NCALD: variants seen among roughly 807,000 people sequenced by gnomAD.
NCALD encodes the protein neurocalcin-delta.
NCALD carries 10 observed loss-of-function variants against 18.6 expected under a neutral mutation model. The ratio of observed to expected loss-of-function variants is 0.54; its 90% CI spans 0.33 to 0.91. NCALD has a LOEUF of 0.91. NCALD is among the 40% of genes least tolerant of loss of function. The pLI is 0.03. For synonymous variants in NCALD, 88 were observed against 87.4 expected, an observed-to-expected ratio of 1.01 and a Z score of -0.04; for missense variants, 184 against 247.6, an observed-to-expected ratio of 0.74 and a Z score of 1.72.
chr8:101,803,540 G>C (rs1812946543), intron 4 of NCALD, among the ~76,000 whole-genome samples: 1 of 152,154 alleles, frequency 6.6e-6, no homozygotes, highest in Non-Finnish European at 1.5e-5. Flanking sequence ...AGCTCTTAAA[G>C]TATATAAATA....
intron 1 of NCALD, among the ~76,000 whole-genome samples, chr8:102,043,415 C>G (rs888282421): frequency 5.9e-5 from 9 of 151,770 alleles, no homozygotes; most frequent in Middle Eastern, 3.2e-3. Context: ...GCCCTTAACA[C>G]AGCAAGCTTC....
chr8:101,964,954 G>A (rs766434492), intron 2 of NCALD, among the ~76,000 whole-genome samples: 4 of 152,012 alleles, frequency 2.6e-5, no homozygotes, highest in Non-Finnish European at 5.9e-5. Context: ...GTGGGCGAAG[G>A]ATATGAACAG....
intron 4 of NCALD, among the ~76,000 whole-genome samples, chr8:101,845,514 T>C (rs1171932260): frequency 4.6e-5 from 7 of 152,224 alleles, no homozygotes; most frequent in Non-Finnish European, 8.8e-5. Flanking sequence ...GGATTATACA[T>C]TTCAAATACT....
intron 2 of NCALD, among the ~76,000 whole-genome samples, chr8:101,997,049 C>T (rs747377560): frequency 6.6e-6 from 1 of 152,174 alleles, no homozygotes; most frequent in Non-Finnish European, 1.5e-5. Flanking sequence ...TGGATTCCAG[C>T]TACTCAGAGT....
At chr8:101,844,450 T>C (rs1586619094) in intron 4 of NCALD, among the ~76,000 whole-genome samples, 1 of 152,018 alleles carries the variant, frequency 6.6e-6, no homozygotes, top group Non-Finnish European at 1.5e-5. Flanking sequence ...CTTCAACCCC[T>C]GGGCTCTAGC....
chr8:101,719,790 G>A (rs188516308), intron 1 of NCALD, 142 bp from the exon 2 acceptor site: 569 of 724,770 alleles, frequency 7.9e-4, no homozygotes, highest in Middle Eastern at 1.2e-3. Flanking sequence ...TCTAGGTTTT[G>A]CAACACACTG....
chr8:102,123,832 G>GGCCCCC (rs1265477150), intron 1 of NCALD: 1 of 147,266 alleles, frequency 6.8e-6, no homozygotes, highest in Non-Finnish European at 1.5e-5. Context: ...CCCCGGCCCC[G>GGCCCCC]GCCCCCGGGG....
chr8:102,015,385 C>A (rs1406739696), intron 2 of NCALD, among the ~76,000 whole-genome samples: 10 of 152,100 alleles, frequency 6.6e-5, no homozygotes, highest in Admixed American at 6.5e-4. Context: ...ACACAGCCAA[C>A]CCAAGAAAAG....
At chr8:102,052,320 G>A (rs978633479) in intron 1 of NCALD, among the ~76,000 whole-genome samples, 1 of 152,140 alleles carries the variant, frequency 6.6e-6, no homozygotes, top group Non-Finnish European at 1.5e-5. Flanking sequence ...CCCTCCCACT[G>A]GGTTAGGCAC....
intron 1 of NCALD, among the ~76,000 whole-genome samples, chr8:101,776,855 C>T (rs1007143569): frequency 1.3e-5 from 2 of 152,276 alleles, no homozygotes; most frequent in African/African-American, 4.8e-5. Flanking sequence ...GCGGACGCAA[C>T]CTTTCTGCTA....
chr8:101,794,546 G>A (rs1279864867), upstream of NCALD, among the ~76,000 whole-genome samples: 7 of 152,182 alleles, frequency 4.6e-5, no homozygotes, highest in Non-Finnish European at 1.0e-4. Context: ...TTTGTTATGA[G>A]TACATGTAAG....
At chr8:101,792,352 C>T (rs1488821177), upstream of NCALD, among the ~76,000 whole-genome samples, 1 of 152,148 alleles carries the variant, frequency 6.6e-6, no homozygotes, top group Non-Finnish European at 1.5e-5. Context: ...GTCATAGAAT[C>T]GTCCTACTCC....
chr8:101,736,202 T>C lies in NCALD; in HGVS notation c.-19-16554A>G, dbSNP rs142436644. Among the ~76,000 whole-genome samples, 281 of 152,300 alleles carry C rather than the reference T, an allele frequency of 1.8e-3. 3 individuals are homozygous for C. Among genetic ancestry groups the C allele is most frequent in the East Asian group, 0.016 (84 of 5,182 alleles). ...TCTTGGGACTAGTTTGGTAGGCTTG[T>C]CCTGCTCTGCTGAGAAGCTCCCATT... On this transcript the variant is annotated intron_variant, in intron 1 of 3. Coordinates refer to ENST00000220931, the MANE Select transcript of NCALD (RefSeq NM_032041.3).
intron 4 of NCALD, among the ~76,000 whole-genome samples, chr8:101,819,655 A>C (rs1394143661): frequency 6.6e-6 from 1 of 152,118 alleles, no homozygotes. Context: ...CATTTTTGAC[A>C]CTCATCCCTC....
intron 1 of NCALD, among the ~76,000 whole-genome samples, chr8:102,025,352 T>C (rs1405400057): frequency 6.6e-6 from 1 of 152,224 alleles, no homozygotes; most frequent in East Asian, 1.9e-4. Context: ...ATTGCATTTA[T>C]CACAACTGAT....
At chr8:101,817,960 T>C (rs952742368) in intron 4 of NCALD, among the ~76,000 whole-genome samples, 3 of 152,218 alleles carry the variant, frequency 2.0e-5, no homozygotes, top group African/African-American at 7.2e-5. Flanking sequence ...ATTTTAAATC[T>C]GTACGGTGGA....
chr8:101,946,590 A>G (rs1399075856), intron 2 of NCALD, among the ~76,000 whole-genome samples: 2 of 152,202 alleles, frequency 1.3e-5, no homozygotes, highest in African/African-American at 4.8e-5. Context: ...GAGCCCTATC[A>G]GAGCAACAGG....
At chr8:101,916,567 CAG>C (rs1217236660) in intron 2 of NCALD, among the ~76,000 whole-genome samples, 2 of 152,036 alleles carry the variant, frequency 1.3e-5, no homozygotes, top group Non-Finnish European at 2.9e-5. Context: ...ACTTAAAAGG[CAG>C]AGAGTAGCAA....
intron 1 of NCALD, among the ~76,000 whole-genome samples, chr8:101,782,932 C>CTGTT (rs1264425448): frequency 6.6e-6 from 1 of 152,216 alleles, no homozygotes; most frequent in African/African-American, 2.4e-5. Context: ...CCTAACTAGA[C>CTGTT]TGTTACCTTT....
Sources: gnomAD v4.1 joint callset for allele counts (sites outside exome capture counted in the v4.1 genomes callset) on GRCh38, gnomAD v4.1.1 for gene constraint, MANE v1.5 for transcripts, NCBI Gene and HGNC (gene_info 2026-07-23, HGNC 2026-07-21) for gene names.